CALCRL: variants seen among roughly 807,000 people sequenced by gnomAD.
CALCRL encodes calcitonin receptor like receptor.
In CALCRL, 27 loss-of-function variants were observed where a neutral mutation model predicts 60.4. The ratio of observed to expected loss-of-function variants is 0.45; its 90% CI spans 0.33 to 0.62. The LOEUF (loss-of-function observed/expected upper bound fraction) is 0.62, where lower values mean the gene tolerates loss of function less well. CALCRL is among the 20% of genes least tolerant of loss of function. CALCRL has a pLI of 0.03. For missense variants in CALCRL, 424 were observed against 540.7 expected, an observed-to-expected ratio of 0.78 and a Z score of 2.14; for synonymous variants, 190 against 182.6, an observed-to-expected ratio of 1.04 and a Z score of -0.33.
At chr2:187,375,899 CATAA>C (rs1428602270) in intron 8 of CALCRL, among the ~76,000 whole-genome samples, 1 of 152,048 alleles carries the variant, frequency 6.6e-6, no homozygotes, top group African/African-American at 2.4e-5. Flanking sequence ...ATAAAACATA[CATAA>C]ATACAGATAT....
intron 1 of CALCRL, among the ~76,000 whole-genome samples, chr2:187,408,064 T>C (rs573898398): frequency 6.6e-6 from 1 of 152,172 alleles, no homozygotes; most frequent in East Asian, 1.9e-4. Context: ...CTAGACTAGA[T>C]TCTCAAGGTC....
intron 1 of CALCRL, among the ~76,000 whole-genome samples, chr2:187,389,251 T>A (rs915623544): frequency 6.6e-6 from 1 of 152,050 alleles, no homozygotes; most frequent in African/African-American, 2.4e-5. Context: ...TTTTGTATTT[T>A]TAGTAGAGAC....
chr2:187,385,451 ATT>A (rs2105789903), intron 4 of CALCRL, 92 bp downstream of exon 4: 1 of 666,386 alleles, frequency 1.5e-6, no homozygotes, highest in East Asian at 2.8e-5. Flanking sequence ...AATGTAACTA[ATT>A]TCTGTATCTA....
At chr2:187,383,339 A>C (rs768738226) in intron 4 of CALCRL, 34 bp from the exon 5 acceptor site, 3 of 1,557,216 alleles carry the variant, frequency 1.9e-6, no homozygotes, top group Admixed American at 3.9e-5. Context: ...CATCAACTTC[A>C]TGAAAAGGAT....
intron 1 of CALCRL, among the ~76,000 whole-genome samples, chr2:187,393,769 C>A (rs1465327741): frequency 6.6e-6 from 1 of 152,032 alleles, no homozygotes; most frequent in Admixed American, 6.6e-5. Flanking sequence ...AAAAAAAGAT[C>A]ATTGCCTCGA....
intron 1 of CALCRL, among the ~76,000 whole-genome samples, chr2:187,419,657 T>A (rs1204766435): frequency 6.6e-6 from 1 of 152,180 alleles, no homozygotes; most frequent in Non-Finnish European, 1.5e-5. Context: ...ACTTCCTTAT[T>A]ATTGAGTAGG....
intron 1 of CALCRL, among the ~76,000 whole-genome samples, chr2:187,397,769 C>G (rs1688723752): frequency 6.6e-6 from 1 of 151,588 alleles, no homozygotes; most frequent in African/African-American, 2.4e-5. Context: ...TTGTTTAGCT[C>G]CCGCTTATAA....
intron 1 of CALCRL, among the ~76,000 whole-genome samples, chr2:187,407,337 A>T (rs1011843432): frequency 6.6e-6 from 1 of 152,106 alleles, no homozygotes; most frequent in Non-Finnish European, 1.5e-5. Context: ...ACATATATTT[A>T]GGGAGAATAA....
chr2:187,410,751 T>A (rs1689321974), intron 1 of CALCRL, among the ~76,000 whole-genome samples: 1 of 152,040 alleles, frequency 6.6e-6, no homozygotes, highest in Non-Finnish European at 1.5e-5. Context: ...GAAGGTGGGA[T>A]CAGGGGATCA....
In CALCRL at chr2:187,344,532, A is replaced by AT. The variant is rs1284274671; in HGVS notation, c.*1651dup. On this transcript the variant is annotated 3_prime_UTR_variant, in exon 15 of 15. Coordinates refer to ENST00000392370, the MANE Select transcript of CALCRL (RefSeq NM_005795.6). The stretch of plus-strand genomic sequence containing the variant: ...TTTAGAGATTTCAGCGGAAAATAAC[A>AT]TTAGAGAAACTGAATCCCATGCAAA... 1 of 151,706 alleles carries AT rather than the reference A, an allele frequency of 6.6e-6. No homozygotes were observed. Among genetic ancestry groups the AT allele is most frequent in the African/African-American group, 2.4e-5 (1 of 41,408 alleles). The allele number at this position is 151,706 out of a possible 1,614,324, so 9.4% of individuals were successfully genotyped here.
At chr2:187,427,290 G>T (rs1163386998) in intron 1 of CALCRL, among the ~76,000 whole-genome samples, 1 of 152,182 alleles carries the variant, frequency 6.6e-6, no homozygotes, top group Non-Finnish European at 1.5e-5. Context: ...TTCTGCCTAT[G>T]TGGTAAGGGT....
At chr2:187,367,655 T>C (rs934979572) in intron 8 of CALCRL, among the ~76,000 whole-genome samples, 4 of 152,092 alleles carry the variant, frequency 2.6e-5, no homozygotes, top group Admixed American at 2.6e-4. Flanking sequence ...TACTTTAAAT[T>C]CTTAAATATT....
intron 1 of CALCRL, among the ~76,000 whole-genome samples, chr2:187,435,704 G>A (rs1002991580): frequency 1.2e-4 from 18 of 152,050 alleles, no homozygotes; most frequent in African/African-American, 3.1e-4. Context: ...GATCTGGATC[G>A]GAGATGGAGC....
intron 8 of CALCRL, among the ~76,000 whole-genome samples, chr2:187,376,289 C>A (rs1438895910): frequency 2.6e-5 from 4 of 151,758 alleles, no homozygotes; most frequent in African/African-American, 9.7e-5. Flanking sequence ...GTTTATTATA[C>A]CAACTGTATT....
chr2:187,391,133 A>G (rs1688423987), intron 1 of CALCRL, among the ~76,000 whole-genome samples: 2 of 152,284 alleles, frequency 1.3e-5, no homozygotes, highest in African/African-American at 4.8e-5. Context: ...AAATGATGAC[A>G]TTGTTCTCAG....
At chr2:187,359,434 C>A (rs1169965150) in intron 10 of CALCRL, among the ~76,000 whole-genome samples, 162 bp from the exon 11 acceptor site, 1 of 152,068 alleles carries the variant, frequency 6.6e-6, no homozygotes, top group African/African-American at 2.4e-5. Flanking sequence ...CAACAATACA[C>A]ATTATAAAGT....
intron 1 of CALCRL, among the ~76,000 whole-genome samples, chr2:187,445,945 AG>A (rs1189037211): frequency 6.6e-6 from 1 of 151,688 alleles, no homozygotes; most frequent in Admixed American, 6.6e-5. Context: ...AATTTTTCAA[AG>A]TGAATGAACA....
intron 7 of CALCRL, among the ~76,000 whole-genome samples, chr2:187,379,296 A>G (rs528084912): frequency 1.3e-5 from 2 of 152,204 alleles, no homozygotes; most frequent in South Asian, 4.1e-4. Flanking sequence ...TAGAAGTCAA[A>G]TATTAAATCT....
intron 8 of CALCRL, among the ~76,000 whole-genome samples, chr2:187,366,644 T>C (rs1205649556): frequency 6.6e-6 from 1 of 152,078 alleles, no homozygotes; most frequent in East Asian, 1.9e-4. Context: ...ACTGTTTATA[T>C]TAATAATATT....
Sources: allele counts gnomAD v4.1 joint callset (sites outside exome capture counted in the v4.1 genomes callset), GRCh38; gene constraint gnomAD v4.1.1; transcripts MANE v1.5; gene names NCBI Gene and HGNC (gene_info 2026-07-23, HGNC 2026-07-21).